EPHA3: variants seen among roughly 807,000 people sequenced by gnomAD.
The protein encoded by EPHA3 is EPH receptor A3, also known as ephrin type-A receptor 3.
A neutral mutation model predicts 107.1 loss-of-function variants in EPHA3; 42 were observed. The observed-to-expected ratio is 0.39, with a 90% CI of 0.31 to 0.51. The LOEUF is 0.51. Ranked by LOEUF, EPHA3 falls within the 20% of genes least tolerant of loss-of-function variation. The pLI is 0.78. For synonymous variants in EPHA3, 461 were observed against 424.8 expected, an observed-to-expected ratio of 1.09 and a Z score of -1.05; for missense variants, 1,183 against 1,211.2, an observed-to-expected ratio of 0.98 and a Z score of 0.35.
intron 1 of EPHA3, among the ~76,000 whole-genome samples, chr3:89,114,374 C>T (rs1707200491): frequency 6.6e-6 from 1 of 152,172 alleles, no homozygotes; most frequent in African/African-American, 2.4e-5. Context: ...ACAAACTATT[C>T]TCCGCTAGGT....
At chr3:89,363,334 A>G (rs1171349544) in intron 5 of EPHA3, among the ~76,000 whole-genome samples, 1 of 150,588 alleles carries the variant, frequency 6.6e-6, no homozygotes, top group Non-Finnish European at 1.5e-5. Flanking sequence ...GGCTCATGTG[A>G]TTGTGGAGGC....
At chr3:89,415,718 A>T (rs1709234284) in intron 10 of EPHA3, among the ~76,000 whole-genome samples, 1 of 151,272 alleles carries the variant, frequency 6.6e-6, no homozygotes. Context: ...CAACGATTGA[A>T]TACTAAAAAT....
intron 15 of EPHA3, among the ~76,000 whole-genome samples, chr3:89,460,520 A>C (rs1400201448): frequency 6.6e-6 from 1 of 151,388 alleles, no homozygotes; most frequent in South Asian, 2.1e-4. Context: ...CATAGAAAGG[A>C]GTAAAAATAA....
chr3:89,147,658 G>C (rs544151352), intron 2 of EPHA3, among the ~76,000 whole-genome samples: 1 of 151,896 alleles, frequency 6.6e-6, no homozygotes, highest in South Asian at 2.1e-4. Flanking sequence ...GTTTTGTAAT[G>C]TACCCCCTAG....
chr3:89,272,352 T>G (rs2107300107), intron 3 of EPHA3, among the ~76,000 whole-genome samples: 1 of 151,924 alleles, frequency 6.6e-6, no homozygotes, highest in East Asian at 1.9e-4. Flanking sequence ...AATAAAAATA[T>G]TTTATAAGTC....
intron 3 of EPHA3, 80 bp from the exon 4 acceptor site, chr3:89,340,836 T>G: frequency 7.5e-7 from 1 of 1,338,208 alleles, no homozygotes; most frequent in Non-Finnish European, 9.8e-7. Context: ...TAAATTCATA[T>G]TCGAACTTAC....
intron 3 of EPHA3, among the ~76,000 whole-genome samples, chr3:89,233,197 C>T (rs1191793446): frequency 6.6e-6 from 1 of 151,928 alleles, no homozygotes; most frequent in African/African-American, 2.4e-5. Context: ...ATATTTTAGC[C>T]TATGTCTGAA....
intron 15 of EPHA3, among the ~76,000 whole-genome samples, chr3:89,470,568 A>G (rs1407157656): frequency 6.6e-6 from 1 of 152,210 alleles, no homozygotes; most frequent in Non-Finnish European, 1.5e-5. Flanking sequence ...AAGGTCACAC[A>G]AATAGTATGT....
intron 16 of EPHA3, among the ~76,000 whole-genome samples, chr3:89,476,588 T>G (rs1710513005): frequency 9.0e-6 from 1 of 111,218 alleles, no homozygotes; most frequent in Admixed American, 9.0e-5. Context: ...TTATTATTTT[T>G]ATTTATTTAT....
chr3:89,267,596 G>A (rs1210622729), intron 3 of EPHA3, among the ~76,000 whole-genome samples: 4 of 152,088 alleles, frequency 2.6e-5, no homozygotes, highest in Non-Finnish European at 5.9e-5. Flanking sequence ...CACCATGGAG[G>A]AAGCTACATT....
chr3:89,157,084 C>A (rs187321349), intron 2 of EPHA3, among the ~76,000 whole-genome samples: 1 of 151,930 alleles, frequency 6.6e-6, no homozygotes, highest in Non-Finnish European at 1.5e-5. Flanking sequence ...CTTTCACTGA[C>A]AGTTCTGGTT....
chr3:89,131,352 A>G (rs561799550), intron 2 of EPHA3, among the ~76,000 whole-genome samples: 2 of 152,328 alleles, frequency 1.3e-5, no homozygotes, highest in South Asian at 4.1e-4. Flanking sequence ...TTGGAGAACA[A>G]TCAACACATA....
Position 89,228,836 on chromosome 3 carries a change from A to C in EPHA3, c.814+18316A>C, listed in dbSNP as rs549806775. On this transcript the variant is annotated intron_variant, in intron 3 of 16. Transcript: ENST00000336596. ...AGTTTTCTGAAGCCCAGAGAGCAGC[A>C]GTTTTCAGGCTGAAGTACATATAAA... Among the ~76,000 whole-genome samples, 3 of 152,028 alleles carry C rather than the reference A, an allele frequency of 2.0e-5. No individual in the cohort carries two copies. In the South Asian group the frequency reaches 6.2e-4, roughly 31 times the overall value.
chr3:89,252,483 A>G (rs1705186123), intron 3 of EPHA3, among the ~76,000 whole-genome samples: 1 of 152,178 alleles, frequency 6.6e-6, no homozygotes, highest in Non-Finnish European at 1.5e-5. Context: ...CATGCCTGTA[A>G]TCCCAACACT....
chr3:89,328,144 G>T lies in EPHA3; in HGVS notation c.815-12772G>T, dbSNP rs1165352343. 2.6e-5 allele frequency among the ~76,000 whole-genome samples: 4 copies of T among 151,846 alleles called. No homozygotes were observed. In the East Asian group the frequency reaches 7.7e-4, roughly 29 times the overall value. ...AACAGAAAAAACTCAAATAATTTAT[G>T]CAATCTCACTTTATTACTTTATTCT... On this transcript the variant is annotated intron_variant, in intron 3 of 16. Coordinates refer to ENST00000336596, the MANE Select transcript of EPHA3 (RefSeq NM_005233.6).
intron 2 of EPHA3, among the ~76,000 whole-genome samples, chr3:89,139,193 A>G (rs1293774440): frequency 1.3e-5 from 2 of 151,894 alleles, no homozygotes; most frequent in Non-Finnish European, 2.9e-5. Context: ...GAAAGGAGAG[A>G]TGCAATGCAA....
At chr3:89,349,845 G>A (rs1241261071) in intron 5 of EPHA3, among the ~76,000 whole-genome samples, 2 of 147,140 alleles carry the variant, frequency 1.4e-5, no homozygotes, top group African/African-American at 5.0e-5. Flanking sequence ...TTGCTTGTCT[G>A]TAAAGTATTT....
At chr3:89,351,595 G>C (rs1707821557) in intron 5 of EPHA3, among the ~76,000 whole-genome samples, 1 of 151,178 alleles carries the variant, frequency 6.6e-6, no homozygotes, top group African/African-American at 2.4e-5. Flanking sequence ...CTCACGCTGG[G>C]AGCTGTAGAC....
intron 5 of EPHA3, among the ~76,000 whole-genome samples, chr3:89,358,781 T>C (rs1335425692): frequency 6.6e-6 from 1 of 151,222 alleles, no homozygotes; most frequent in African/African-American, 2.4e-5. Flanking sequence ...GCTAAAAAAC[T>C]CGCATGCTGT....
Sources: gnomAD v4.1 joint callset for allele counts (sites outside exome capture counted in the v4.1 genomes callset) on GRCh38, gnomAD v4.1.1 for gene constraint, MANE v1.5 for transcripts, NCBI Gene and HGNC (gene_info 2026-07-23, HGNC 2026-07-21) for gene names.